Variants in PPFIA2 observed in about 807,000 individuals in gnomAD.
The protein encoded by PPFIA2 is PPFI scaffold protein A2.
In PPFIA2, 46 loss-of-function variants were observed where a neutral mutation model predicts 175.5. The observed-to-expected ratio is 0.26, with a 90% CI of 0.21 to 0.34. The LOEUF is 0.34. Ranked by LOEUF, PPFIA2 falls within the 10% of genes least tolerant of loss-of-function variation. PPFIA2 has a pLI of 1.00. For synonymous variants in PPFIA2, 568 were observed against 511.4 expected (o/e 1.11, Z -1.49); for missense variants, 1,179 against 1,506.1 (o/e 0.78, Z 3.60).
At chr12:81,527,274 TTCAA>T (rs2063835176) in intron 4 of PPFIA2, among the ~76,000 whole-genome samples, 1 of 152,074 alleles carries the variant, frequency 6.6e-6, no homozygotes, top group Non-Finnish European at 1.5e-5. Flanking sequence ...ATGCCACAAT[TTCAA>T]TCATCCTAAG....
At chr12:81,345,065 G>T (rs1043680495) in intron 18 of PPFIA2, among the ~76,000 whole-genome samples, 1 of 152,108 alleles carries the variant, frequency 6.6e-6, no homozygotes, top group Non-Finnish European at 1.5e-5. Context: ...TATTGGGAGT[G>T]AAGATCCAAT....
chr12:81,552,250 G>A (rs991499770), intron 4 of PPFIA2, among the ~76,000 whole-genome samples: 1 of 151,752 alleles, frequency 6.6e-6, no homozygotes, highest in African/African-American at 2.4e-5. Context: ...TATTAAATAT[G>A]TAAGCATAGA....
intron 4 of PPFIA2, among the ~76,000 whole-genome samples, chr12:81,661,587 C>T (rs559520881): frequency 4.6e-5 from 7 of 152,254 alleles, no homozygotes; most frequent in Admixed American, 3.9e-4. Flanking sequence ...TAGACTCCCA[C>T]ACAATAATTA....
chr12:81,277,428 T>C lies in PPFIA2; in HGVS notation c.3213-14A>G. ...TGTAAACTTGTTCTTTTTTTTTTAT[T>C]AAAAAAAAAAAAACACAGTGAGTCT... On this transcript the variant is annotated splice_polypyrimidine_tract_variant and intron_variant, in intron 27 of 32. Transcript: ENST00000549396. The C allele has an allele frequency of 8.6e-7, 1 of 1,161,300 alleles. No individual in the cohort carries two copies. Among genetic ancestry groups the C allele is most frequent in the Non-Finnish European group, 1.1e-6 (1 of 872,864 alleles). The allele number at this position is 1,161,300 out of a possible 1,614,324, so 71.9% of individuals were successfully genotyped here. A position where few individuals can be genotyped will look rare whatever the true frequency, so the allele number is the denominator to read the frequency against.
At chr12:81,673,988 C>T (rs933790956) in intron 4 of PPFIA2, among the ~76,000 whole-genome samples, 2 of 151,968 alleles carry the variant, frequency 1.3e-5, no homozygotes, top group Non-Finnish European at 2.9e-5. Context: ...TCCTAGAGTT[C>T]TCAAATTTAT....
chr12:81,528,074 G>GT (rs1489055666), intron 4 of PPFIA2, among the ~76,000 whole-genome samples: 1 of 151,982 alleles, frequency 6.6e-6, no homozygotes, highest in Non-Finnish European at 1.5e-5. Context: ...ATGAAAGAGG[G>GT]TTTTTTATTT....
At chr12:81,434,917 G>T (rs2048718241) in intron 7 of PPFIA2, among the ~76,000 whole-genome samples, 1 of 151,970 alleles carries the variant, frequency 6.6e-6, no homozygotes, top group Non-Finnish European at 1.5e-5. Flanking sequence ...AATAATAACA[G>T]TTTGGCACTT....
Position 81,753,985 on chromosome 12 carries a change from T to G in PPFIA2, c.237A>C (p.Ser79=), listed in dbSNP as rs765483559. ...DRDSLQRQLN[S]ALPQDIESLT... is the part of the protein sequence containing the mutation. ...CCAGGAAGCATACCTGTGGCAGGGC[T>G]GAATTGAGCTGTCTCTGGAGTGAGT... The change falls in exon 3 of 33, where the codon TCA becomes TCC. Residue 79 remains serine, a synonymous_variant. Coordinates refer to ENST00000549396, the MANE Select transcript of PPFIA2 (RefSeq NM_003625.5). The G allele has an allele frequency of 1.5e-5, 24 of 1,613,708 alleles. No homozygotes were observed. In the South Asian group the frequency reaches 2.6e-4, roughly 18 times the overall value.
intron 4 of PPFIA2, among the ~76,000 whole-genome samples, chr12:81,646,663 G>T (rs1450799203): frequency 6.6e-6 from 1 of 152,158 alleles, no homozygotes; most frequent in Non-Finnish European, 1.5e-5. Flanking sequence ...ATAAAAGGAA[G>T]AATTTTAAGC....
chr12:81,433,358 A>G (rs998888446), intron 7 of PPFIA2, among the ~76,000 whole-genome samples: 2 of 152,132 alleles, frequency 1.3e-5, no homozygotes. Flanking sequence ...GAATACGCTT[A>G]TTCTCTGTTC....
chr12:81,286,763 C>G (rs941722849), intron 24 of PPFIA2, among the ~76,000 whole-genome samples: 1 of 151,922 alleles, frequency 6.6e-6, no homozygotes, highest in African/African-American at 2.4e-5. Context: ...CATAAAAATT[C>G]CACAGGCTAG....
chr12:81,600,895 T>A (rs976052633), intron 4 of PPFIA2, among the ~76,000 whole-genome samples: 2 of 151,996 alleles, frequency 1.3e-5, no homozygotes, highest in African/African-American at 4.8e-5. Flanking sequence ...TGTTTGCCTG[T>A]AAACTGGGTC....
intron 16 of PPFIA2, 103 bp from the exon 17 acceptor site, chr12:81,353,442 C>T: frequency 1.3e-6 from 1 of 789,652 alleles, no homozygotes; most frequent in Non-Finnish European, 2.1e-6. Flanking sequence ...TTACAACTGA[C>T]CTTGCAAAAA....
chr12:81,724,243 C>T (rs1480814103), intron 3 of PPFIA2, among the ~76,000 whole-genome samples: 1 of 150,954 alleles, frequency 6.6e-6, no homozygotes, highest in East Asian at 1.9e-4. Flanking sequence ...TTATGCCTGA[C>T]TGATAATGTA....
At chr12:81,717,099 G>A (rs1309916481) in intron 3 of PPFIA2, among the ~76,000 whole-genome samples, 2 of 151,610 alleles carry the variant, frequency 1.3e-5, no homozygotes, top group African/African-American at 4.8e-5. Flanking sequence ...TAGTGGGCCA[G>A]ATAGCAAATA....
Position 81,284,241 on chromosome 12 carries a change from C to T in PPFIA2, c.2988G>A (p.Thr996=), listed in dbSNP as rs2042759403. 1.9e-6 allele frequency: 3 copies of T among 1,582,002 alleles called. No homozygotes were observed. The highest frequency in any genetic ancestry group is 4.5e-5 in the East Asian group (2 of 44,636). Residue 996 remains threonine, a splice_region_variant and synonymous_variant, in exon 25 of 33, where the codon ACG becomes ACA. Transcript: ENST00000549396. ...GTTCAACAAAGCCATTAAGACTAAC[C>T]GTTTTTGCTGGAGCTGCAAGATTTT... The part of the protein sequence containing the change: ...EMENLAAPAK[T]KESEEGSWAQ...
chr12:81,557,194 T>TACAC lies in PPFIA2; in HGVS notation c.304-99332_304-99329dup, dbSNP rs10581154. On this transcript the variant is annotated intron_variant, in intron 4 of 32. Coordinates refer to ENST00000549396, the MANE Select transcript of PPFIA2 (RefSeq NM_003625.5). The stretch of plus-strand genomic sequence containing the variant: ...AGAGGACAGATATAGATCTTATATC[T>TACAC]ACACACACACACACACACACACGTA... Among the ~76,000 whole-genome samples, 337 of 149,194 alleles carry TACAC rather than the reference T, an allele frequency of 2.3e-3. 1 individual carries two copies. The East Asian group carries it at 0.049, about 22-fold the overall frequency.
At chr12:81,711,487 GT>G (rs1456355328) in intron 3 of PPFIA2, among the ~76,000 whole-genome samples, 3 of 151,188 alleles carry the variant, frequency 2.0e-5, no homozygotes, top group Non-Finnish European at 4.4e-5. Flanking sequence ...ATCTATCTAT[GT>G]AGTCATTTCT....
chr12:81,405,218 C>T (rs1036559121), intron 8 of PPFIA2, among the ~76,000 whole-genome samples: 2 of 152,046 alleles, frequency 1.3e-5, no homozygotes, highest in Non-Finnish European at 2.9e-5. Flanking sequence ...TGTAAAAGTC[C>T]CATGACTTCA....
Sources: allele counts gnomAD v4.1 joint callset (sites outside exome capture counted in the v4.1 genomes callset), GRCh38; gene constraint gnomAD v4.1.1; transcripts MANE v1.5; gene names NCBI Gene and HGNC (gene_info 2026-07-23, HGNC 2026-07-21).